Variants in CSF1R observed in about 807,000 individuals in gnomAD.
CSF1R encodes macrophage colony-stimulating factor 1 receptor.
CSF1R carries 40 observed loss-of-function variants against 110.0 expected under a neutral mutation model. That is an observed-to-expected ratio of 0.36 (90% CI 0.28 to 0.47). The LOEUF (loss-of-function observed/expected upper bound fraction) is 0.47. Ranked by LOEUF, CSF1R falls within the 20% of genes least tolerant of loss-of-function variation. The probability of loss-of-function intolerance (pLI) is 0.99; values close to 1 mark genes in which losing one functional copy is unlikely to be tolerated. For synonymous variants in CSF1R, 523 were observed against 503.4 expected (o/e 1.04, Z -0.52); for missense variants, 1,052 against 1,253.0 (o/e 0.84, Z 2.42).
rs1581282004 is a variant in CSF1R at position 150,057,394 on chromosome 5, G to A, written c.2222-10C>T. The A allele has an allele frequency of 6.2e-7, 1 of 1,613,652 alleles. No individual in the cohort carries two copies. The highest frequency in any genetic ancestry group is 1.3e-5 in the African/African-American group (1 of 75,046). On this transcript the variant is annotated splice_polypyrimidine_tract_variant and intron_variant, in intron 15 of 20. Transcript: ENST00000675795. ...TCCTCCTTGTCCAGGTCTAGGGTGG[G>A]AAGAGGCGTCAGGGCAGCCCTGCCA...
At chr5:150,078,017 G>A in intron 4 of CSF1R, 95 bp downstream of exon 4, 1 of 1,520,842 alleles carries the variant, frequency 6.6e-7, no homozygotes, top group Non-Finnish European at 9.0e-7. Flanking sequence ...AGCTAAGACA[G>A]CCAGTTTGGA....
chr5:150,084,088 G>A (rs1235310608), intron 1 of CSF1R, among the ~76,000 whole-genome samples: 2 of 152,056 alleles, frequency 1.3e-5, no homozygotes, highest in African/African-American at 4.8e-5. Context: ...TGTAATCCCA[G>A]CACTTTGGGA....
rs147476583 is a variant in CSF1R, at chr5:150,054,183, G to A, written c.2805C>T (p.Ser935=). Residue 935 remains serine (S), a synonymous_variant, in exon 21 of 21, where the codon AGC becomes AGT. Coordinates refer to ENST00000675795, the MANE Select transcript of CSF1R (RefSeq NM_001288705.3). ...CCTCCAGCTCACTGCTGCTGCTGCCGCTGCCACCGCTTCTGCTGCTGCTCG... is the reference window on the plus strand; with the variant it reads ...CCTCCAGCTCACTGCTGCTGCTGCCACTGCCACCGCTTCTGCTGCTGCTCG... ...NLPSSSRSGG[S]GSSSSELEEE... 5.3e-4 allele frequency: 848 copies of A among 1,611,690 alleles called. 5 individuals carry two copies. In the Admixed American group the frequency reaches 0.011, roughly 21 times the overall value.
chr5:150,073,055 C>T (rs1271655097), intron 6 of CSF1R, among the ~76,000 whole-genome samples: 5 of 152,124 alleles, frequency 3.3e-5, no homozygotes, highest in Admixed American at 3.3e-4. Flanking sequence ...TGGTAGAATC[C>T]TTGGGTGGGG....
chr5:150,060,340 C>A (rs546125632), intron 13 of CSF1R, among the ~76,000 whole-genome samples: 4,560 of 143,292 alleles, frequency 0.032, 237 homozygotes, highest in African/African-American at 0.11. Flanking sequence ...AAAAAAAAAA[C>A]AAAAAATGAA....
At chr5:150,099,708 C>A (rs538597918) in intron 1 of CSF1R, among the ~76,000 whole-genome samples, 87 of 38,892 alleles carry the variant, frequency 2.2e-3, no homozygotes, top group African/African-American at 8.4e-3. Flanking sequence ...CTGCCAGGGG[C>A]TGGAGATGGA....
At position 150,084,439 on chromosome 5, in the gene CSF1R, GAAGGAAGGAAGGAAGGAAGA is replaced by G. The variant is rs1179682791; in HGVS notation, c.49+1920_49+1939del. Among the ~76,000 whole-genome samples, 55 of 74,884 alleles carry G rather than the reference GAAGGAAGGAAGGAAGGAAGA, an allele frequency of 7.3e-4. 2 individuals carry two copies. The highest frequency in any genetic ancestry group is 1.2e-3 in the African/African-American group (15 of 12,596). The allele number at this position is 74,884 out of a possible 152,430, so 49.1% of individuals were successfully genotyped here. ...GGAAGGAAGGAAGGAAGGAAGGAAG[GAAGGAAGGAAGGAAGGAAGA>G]AAGAAAGGAAGGAGATGGAGTCTTG... is the stretch of plus-strand genomic sequence containing the variant. On this transcript the variant is annotated intron_variant, in intron 1 of 20. Transcript: ENST00000675795.
chr5:150,086,372 C>A lies in CSF1R; in HGVS notation c.49+7G>T. The A allele has an allele frequency of 6.2e-7, 1 of 1,605,732 alleles. No individual in the cohort carries two copies. The highest frequency in any genetic ancestry group is 8.5e-7 in the Non-Finnish European group (1 of 1,176,112). ...ACAAAGTCCCCCACCCCCCGTTCTG[C>A]TCTTACCATGCCAAGCTGTGGCCAC... On this transcript the variant is annotated splice_region_variant and intron_variant, in intron 1 of 20. Coordinates refer to ENST00000675795, the MANE Select transcript of CSF1R (RefSeq NM_001288705.3).
At chr5:150,112,115 A>C (rs981428832) in intron 1 of CSF1R, among the ~76,000 whole-genome samples, 1 of 152,240 alleles carries the variant, frequency 6.6e-6, no homozygotes, top group African/African-American at 2.4e-5. Flanking sequence ...GTTTCTGGCT[A>C]TATAAACCAT....
chr5:150,102,839 A>G (rs1055504305), intron 1 of CSF1R, among the ~76,000 whole-genome samples: 1 of 152,218 alleles, frequency 6.6e-6, no homozygotes, highest in South Asian at 2.1e-4. Flanking sequence ...AATGCTGAAA[A>G]TATTTTCCAT....
At chr5:150,055,410 T>G (rs1035763140) in intron 18 of CSF1R, 74 bp from the exon 19 acceptor site, 6 of 1,286,808 alleles carry the variant, frequency 4.7e-6, no homozygotes, top group Non-Finnish European at 5.6e-6. Context: ...ACACACATCT[T>G]AGACTGGGTT....
Position 150,077,363 on chromosome 5 carries a change from C to T in CSF1R, c.802G>A (p.Val268Ile), listed in dbSNP as rs143274491. The stretch of plus-strand genomic sequence containing the variant: ...TAGTTGCCGGCATGTTGGAAATCTA[C>T]TTGATCGAGGTTGAGGGTCAGGACT... ...QKVLTLNLDQ[V>I]DFQHAGNYSC... Residue 268 changes from valine to isoleucine, a missense_variant, in exon 5 of 21, where the codon GTA becomes ATA. By Grantham distance (29) the Val-to-Ile change is conservative (BLOSUM62 3). Coordinates refer to ENST00000675795, the MANE Select transcript of CSF1R (RefSeq NM_001288705.3). 325 of 1,614,188 alleles carry T rather than the reference C, an allele frequency of 2.0e-4. 1 individual carries two copies. In the African/African-American group the frequency reaches 3.1e-3, roughly 16 times the overall value.
At chr5:150,063,609 C>T (rs1031842945) in intron 10 of CSF1R, among the ~76,000 whole-genome samples, 3 of 151,878 alleles carry the variant, frequency 2.0e-5, no homozygotes, top group African/African-American at 4.8e-5. Context: ...CTTCCTTAGG[C>T]TCTCCATGCT....
At chr5:150,056,170 C>T (rs764353006) in intron 17 of CSF1R, 33 bp from the exon 18 acceptor site, 24 of 1,614,024 alleles carry the variant, frequency 1.5e-5, no homozygotes, top group African/African-American at 5.3e-5. Flanking sequence ...TTTTGGGCCC[C>T]GACTCTTCAC....
chr5:150,100,780 G>C (rs1759380978), intron 1 of CSF1R, among the ~76,000 whole-genome samples: 1 of 151,996 alleles, frequency 6.6e-6, no homozygotes, highest in African/African-American at 2.4e-5. Flanking sequence ...ATACATAGCA[G>C]CATTTGTCAT....
chr5:150,061,778 G>A lies in CSF1R; in HGVS notation c.1698C>T (p.Pro566=), dbSNP rs1757541544. 2 of 1,614,126 alleles carry A rather than the reference G, an allele frequency of 1.2e-6. No homozygotes were observed. Among genetic ancestry groups the A allele is most frequent in the East Asian group, 2.2e-5 (1 of 44,898 alleles). Residue 566 remains proline, a synonymous_variant, in exon 11 of 21, where the codon CCC becomes CCT. Coordinates refer to ENST00000675795, the MANE Select transcript of CSF1R (RefSeq NM_001288705.3). ...ACTTCTCGTTGTAAGGCAGCTGCGTGGGGTCGATGAAAGTATAACTGTTGC... is the reference window on the plus strand; with the variant it reads ...ACTTCTCGTTGTAAGGCAGCTGCGTAGGGTCGATGAAAGTATAACTGTTGC... The part of the protein sequence containing the change: ...YEGNSYTFID[P]TQLPYNEKWE...
chr5:150,080,417 G>T, intron 2 of CSF1R, 81 bp from the exon 3 acceptor site: 2 of 1,506,572 alleles, frequency 1.3e-6, no homozygotes, highest in South Asian at 1.3e-5. Context: ...TGACAAGGAA[G>T]CTCAGAGAGG....
chr5:150,086,090 T>C (rs1487023218), intron 1 of CSF1R, among the ~76,000 whole-genome samples: 5 of 152,094 alleles, frequency 3.3e-5, no homozygotes, highest in Non-Finnish European at 5.9e-5. Flanking sequence ...TGCAATTGAA[T>C]AGAAGTGGAC....
Position 150,077,448 on chromosome 5 carries a change from G to T in CSF1R, c.730-13C>A. 1.9e-6 allele frequency: 3 copies of T among 1,608,560 alleles called. No homozygotes were observed. Among genetic ancestry groups the T allele is most frequent in the Non-Finnish European group, 2.6e-6 (3 of 1,175,686 alleles). On this transcript the variant is annotated splice_polypyrimidine_tract_variant and intron_variant, in intron 4 of 20. Transcript: ENST00000675795. Reference sequence around the variant, plus strand: ...GAGGGATTGCGAGCTGCAGCCAGAAGGAATGGAGATGTTATACCAAGGTAG... The same window carrying T: ...GAGGGATTGCGAGCTGCAGCCAGAATGAATGGAGATGTTATACCAAGGTAG...
Sources: allele counts gnomAD v4.1 joint callset (sites outside exome capture counted in the v4.1 genomes callset), GRCh38; gene constraint gnomAD v4.1.1; transcripts MANE v1.5; gene names NCBI Gene and HGNC (gene_info 2026-07-23, HGNC 2026-07-21).